Variants in LINGO2 observed in about 807,000 individuals in gnomAD.
The protein encoded by LINGO2 is leucine-rich repeat and immunoglobulin-like domain-containing nogo receptor-interacting protein 2.
A neutral mutation model predicts 30.6 loss-of-function variants in LINGO2; 14 were observed. That is an observed-to-expected ratio of 0.46 (90% CI 0.30 to 0.72). The LOEUF is 0.72. LINGO2 is among the 30% of genes least tolerant of loss of function. LINGO2 has a pLI of 0.07. For synonymous variants in LINGO2, 317 were observed against 288.5 expected (o/e 1.10, Z -1.00); for missense variants, 729 against 751.7 (o/e 0.97, Z 0.35).
At chr9:29,024,244 C>T in the LINGO2 span, among the ~76,000 whole-genome samples, 1 of 152,070 alleles carries the variant, frequency 6.6e-6, no homozygotes, top group Non-Finnish European at 1.5e-5. Flanking sequence ...AAGTGACATG[C>T]ATGATTCCTT....
At chr9:28,281,715 CTA>C (rs1823333779) in intron 4 of LINGO2, among the ~76,000 whole-genome samples, 1 of 152,054 alleles carries the variant, frequency 6.6e-6, no homozygotes, top group South Asian at 2.1e-4. Context: ...CACAAATACA[CTA>C]TGTTACTGAT....
chr9:28,127,709 A>G (rs1039715695), intron 4 of LINGO2, among the ~76,000 whole-genome samples: 4 of 152,162 alleles, frequency 2.6e-5, no homozygotes, highest in Non-Finnish European at 4.4e-5. Context: ...TGTCCTCTCT[A>G]TGGTAGATTC....
chr9:29,174,819 C>T, the LINGO2 span, among the ~76,000 whole-genome samples: 96 of 152,272 alleles, frequency 6.3e-4, no homozygotes, highest in African/African-American at 2.3e-3. Context: ...CATGAAGAAC[C>T]TGGCTAAAAG....
At chr9:28,133,754 C>T (rs373574508) in intron 4 of LINGO2, among the ~76,000 whole-genome samples, 3 of 152,234 alleles carry the variant, frequency 2.0e-5, no homozygotes, top group East Asian at 1.9e-4. Flanking sequence ...TCCTTAATTT[C>T]TCTTATTGTA....
At chr9:29,072,612 G>GTATATATAT in the LINGO2 span, among the ~76,000 whole-genome samples, 1 of 135,704 alleles carries the variant, frequency 7.4e-6, no homozygotes, top group African/African-American at 2.6e-5. Flanking sequence ...GTCTCTCTTT[G>GTATATATAT]ATATATATAT....
the LINGO2 span, among the ~76,000 whole-genome samples, chr9:28,788,683 G>A: frequency 2.2e-4 from 34 of 152,256 alleles, no homozygotes; most frequent in East Asian, 5.8e-3. Context: ...TGGCAGAAAG[G>A]AGAAGTGCTC....
At chr9:29,123,764 A>T in the LINGO2 span, among the ~76,000 whole-genome samples, 4,630 of 152,170 alleles carry the variant, frequency 0.03, 134 homozygotes, top group South Asian at 0.15. Context: ...AACTAATAAA[A>T]CTTAAATATT....
intron 3 of LINGO2, among the ~76,000 whole-genome samples, chr9:28,310,998 A>G (rs1271932185): frequency 2.0e-5 from 3 of 152,168 alleles, no homozygotes; most frequent in Non-Finnish European, 4.4e-5. Flanking sequence ...ATATTGGGCG[A>G]AATTCACCCC....
chr9:29,030,174 A>G, the LINGO2 span, among the ~76,000 whole-genome samples: 8 of 152,128 alleles, frequency 5.3e-5, no homozygotes, highest in African/African-American at 1.7e-4. Flanking sequence ...ATAATACTTT[A>G]AGCTGTAACA....
intron 4 of LINGO2, among the ~76,000 whole-genome samples, chr9:28,041,005 G>A (rs1166728010): frequency 1.3e-5 from 2 of 152,182 alleles, no homozygotes; most frequent in South Asian, 4.1e-4. Flanking sequence ...ATAGCAGAGA[G>A]GACTTCATCC....
the LINGO2 span, among the ~76,000 whole-genome samples, chr9:28,778,005 A>G: frequency 2.6e-5 from 4 of 152,162 alleles, no homozygotes; most frequent in African/African-American, 9.7e-5. Context: ...ACCCTTCTCT[A>G]TAGTGCATAG....
At chr9:28,705,212 C>T in the LINGO2 span, among the ~76,000 whole-genome samples, 374 of 152,078 alleles carry the variant, frequency 2.5e-3, 18 homozygotes, top group East Asian at 0.06. Context: ...ACACCATGCC[C>T]GGCCACCTTG....
At chr9:28,134,162 A>G (rs1258597122) in intron 4 of LINGO2, among the ~76,000 whole-genome samples, 1 of 152,188 alleles carries the variant, frequency 6.6e-6, no homozygotes, top group Non-Finnish European at 1.5e-5. Flanking sequence ...TCATTGTAGC[A>G]TGGACTACTG....
intron 1 of LINGO2, among the ~76,000 whole-genome samples, chr9:28,570,178 T>C (rs574290924): frequency 6.6e-6 from 1 of 151,984 alleles, no homozygotes; most frequent in Admixed American, 6.6e-5. Context: ...TAGTACAACA[T>C]AATGATAGAT....
the LINGO2 span, among the ~76,000 whole-genome samples, chr9:29,109,676 C>T: frequency 6.6e-6 from 1 of 152,094 alleles, no homozygotes; most frequent in Non-Finnish European, 1.5e-5. Flanking sequence ...GGTGAATGAG[C>T]CTAGGTAGCC....
At chr9:28,828,742 G>T in the LINGO2 span, among the ~76,000 whole-genome samples, 2 of 152,070 alleles carry the variant, frequency 1.3e-5, no homozygotes, top group African/African-American at 4.8e-5. Flanking sequence ...CAGAAGTATG[G>T]GTCTGAAAAT....
At chr9:28,009,350 A>G (rs1006465345) in intron 5 of LINGO2, among the ~76,000 whole-genome samples, 1 of 75,860 alleles carries the variant, frequency 1.3e-5, no homozygotes, top group Non-Finnish European at 2.8e-5. Context: ...CAAAAGCACA[A>G]GTGATAAAAA....
chr9:28,879,117 G>T, the LINGO2 span, among the ~76,000 whole-genome samples: 69 of 152,272 alleles, frequency 4.5e-4, 1 homozygote, highest in East Asian at 0.013. Flanking sequence ...ATCTCCTTAA[G>T]CTGATACGCA....
chr9:29,120,210 C>A, the LINGO2 span, among the ~76,000 whole-genome samples: 5 of 152,124 alleles, frequency 3.3e-5, no homozygotes, highest in African/African-American at 1.2e-4. Context: ...GAGACCCTGG[C>A]AGTAGGCTTC....
Sources: allele counts gnomAD v4.1 joint callset (sites outside exome capture counted in the v4.1 genomes callset), GRCh38; gene constraint gnomAD v4.1.1; transcripts MANE v1.5; gene names NCBI Gene and HGNC (gene_info 2026-07-23, HGNC 2026-07-21).